CNTNAP2: variants seen among roughly 807,000 people sequenced by gnomAD.
The protein encoded by CNTNAP2 is contactin associated protein 2.
CNTNAP2 carries 98 observed loss-of-function variants against 155.2 expected under a neutral mutation model. That is an observed-to-expected ratio of 0.63 (90% confidence interval 0.54 to 0.75). The LOEUF (loss-of-function observed/expected upper bound fraction) is 0.75, where lower values mean the gene tolerates loss of function less well. CNTNAP2 is among the 30% of genes least tolerant of loss of function. The pLI, the probability that CNTNAP2 is intolerant of heterozygous loss-of-function variation, is 0.00. For missense variants in CNTNAP2, 1,727 were observed against 1,688.1 expected (o/e 1.02, Z -0.40); for synonymous variants, 651 against 631.2 (o/e 1.03, Z -0.47).
intron 10 of CNTNAP2, among the ~76,000 whole-genome samples, chr7:147,479,788 G>A (rs866881308): frequency 1.4e-4 from 21 of 151,734 alleles, no homozygotes; most frequent in African/African-American, 4.6e-4. Context: ...AAATATCTTA[G>A]CATTTAAACA....
chr7:148,281,814 G>A (rs1796977093), intron 21 of CNTNAP2, among the ~76,000 whole-genome samples: 1 of 150,044 alleles, frequency 6.7e-6, no homozygotes, highest in Non-Finnish European at 1.5e-5. Flanking sequence ...AGGTCACATA[G>A]CTGGTACTTC....
intron 1 of CNTNAP2, among the ~76,000 whole-genome samples, chr7:146,588,863 GTAAGATCACAATTATTTA>G (rs1475618197): frequency 6.6e-6 from 1 of 151,974 alleles, no homozygotes; most frequent in East Asian, 1.9e-4. Context: ...AGAAATTGAT[GTAAGATCACAATTATTTA>G]GTGATCTGAT....
At chr7:146,476,706 A>G (rs1796881951) in intron 1 of CNTNAP2, among the ~76,000 whole-genome samples, 1 of 152,200 alleles carries the variant, frequency 6.6e-6, no homozygotes, top group South Asian at 2.1e-4. Context: ...AAATAAGACT[A>G]TATATGGAGA....
intron 21 of CNTNAP2, among the ~76,000 whole-genome samples, chr7:148,358,778 G>A (rs1454021895): frequency 6.6e-6 from 1 of 152,216 alleles, no homozygotes; most frequent in African/African-American, 2.4e-5. Context: ...TCTGTAAAAT[G>A]AGAAAGAAGA....
rs1209602308 is a variant in CNTNAP2, at chr7:147,954,281, G to T, written c.2256-23581G>T. Reference sequence around the variant, plus strand: ...ATCCTAAATTATCTTTTAAGACTTTGTTCAAGTCAGATTTTTTAGAGTTAT... The same window carrying T: ...ATCCTAAATTATCTTTTAAGACTTTTTTCAAGTCAGATTTTTTAGAGTTAT... On this transcript the variant is annotated intron_variant, in intron 14 of 23. Transcript: ENST00000361727. 2.0e-5 allele frequency among the ~76,000 whole-genome samples: 3 copies of T among 152,090 alleles called. No homozygotes were observed. The East Asian group carries it at 5.8e-4, about 29-fold the overall frequency.
At chr7:147,018,488 A>T (rs569393168) in intron 3 of CNTNAP2, among the ~76,000 whole-genome samples, 30 of 152,142 alleles carry the variant, frequency 2.0e-4, no homozygotes, top group African/African-American at 7.2e-4. Flanking sequence ...ACTGGTTTGG[A>T]TGGGGAAAGG....
chr7:147,535,769 A>G (rs572302919), intron 11 of CNTNAP2, among the ~76,000 whole-genome samples: 1 of 152,338 alleles, frequency 6.6e-6, no homozygotes, highest in Admixed American at 6.5e-5. Context: ...GAAGGTCACA[A>G]TAAGAATGCA....
intron 13 of CNTNAP2, among the ~76,000 whole-genome samples, chr7:147,853,536 G>T (rs1798986051): frequency 6.6e-6 from 1 of 152,120 alleles, no homozygotes; most frequent in Non-Finnish European, 1.5e-5. Flanking sequence ...TACAGGAGAG[G>T]AATCTAAATT....
chr7:147,061,579 C>T (rs1445374034), intron 4 of CNTNAP2, among the ~76,000 whole-genome samples: 3 of 152,146 alleles, frequency 2.0e-5, no homozygotes, highest in Non-Finnish European at 4.4e-5. Context: ...TGTATACACT[C>T]ATGTGTTCCC....
chr7:148,174,423 C>CG (rs888758451), intron 18 of CNTNAP2, among the ~76,000 whole-genome samples: 2 of 151,984 alleles, frequency 1.3e-5, no homozygotes, highest in Admixed American at 6.6e-5. Context: ...TGTGACCGCC[C>CG]CCCACCTCAG....
intron 13 of CNTNAP2, among the ~76,000 whole-genome samples, chr7:147,771,144 G>A (rs1391248641): frequency 6.6e-6 from 1 of 152,086 alleles, no homozygotes; most frequent in African/African-American, 2.4e-5. Context: ...ATGAATCGGT[G>A]TACATTTGAA....
chr7:148,079,250 C>T (rs1023846684), intron 15 of CNTNAP2, among the ~76,000 whole-genome samples: 22 of 152,224 alleles, frequency 1.4e-4, no homozygotes, highest in African/African-American at 4.8e-4. Context: ...AGACATCACT[C>T]GATACATGTA....
chr7:146,985,595 C>T (rs1798101639), intron 3 of CNTNAP2, among the ~76,000 whole-genome samples: 1 of 152,148 alleles, frequency 6.6e-6, no homozygotes, highest in African/African-American at 2.4e-5. Context: ...GCTAGGATTA[C>T]AGGCGTAAGC....
intron 9 of CNTNAP2, among the ~76,000 whole-genome samples, chr7:147,376,442 G>A (rs976007963): frequency 1.3e-5 from 2 of 151,946 alleles, no homozygotes; most frequent in Non-Finnish European, 2.9e-5. Context: ...TTTTGAAAAT[G>A]TTATCTATTT....
chr7:146,740,328 A>AT (rs1024523984), intron 1 of CNTNAP2, among the ~76,000 whole-genome samples: 16 of 144,496 alleles, frequency 1.1e-4, no homozygotes, highest in African/African-American at 3.1e-4. Context: ...TGAATTTCTC[A>AT]TTTTTTTACT....
At chr7:147,287,865 A>C (rs530417230) in intron 8 of CNTNAP2, among the ~76,000 whole-genome samples, 62 of 152,084 alleles carry the variant, frequency 4.1e-4, no homozygotes, top group Non-Finnish European at 7.5e-4. Flanking sequence ...AACGTGAAAA[A>C]TCTGGCCACA....
intron 8 of CNTNAP2, among the ~76,000 whole-genome samples, chr7:147,136,796 C>A (rs1404787507): frequency 1.3e-5 from 2 of 151,858 alleles, no homozygotes; most frequent in Non-Finnish European, 2.9e-5. Context: ...GAAAAAAGGT[C>A]TCATTTGAAA....
chr7:148,307,549 G>A lies in CNTNAP2; in HGVS notation c.3475+40423G>A, dbSNP rs1247604380. On this transcript the variant is annotated intron_variant, in intron 21 of 23. Coordinates refer to ENST00000361727, the MANE Select transcript of CNTNAP2 (RefSeq NM_014141.6). ...CCTCATGATTTGTTCTTACACCTTC[G>A]TATATCTTAACACTTCATTCCCCTT... Among the ~76,000 whole-genome samples the A allele has an allele frequency of 3.9e-5, 6 of 152,248 alleles. No homozygotes were observed. In the East Asian group the frequency reaches 9.6e-4, roughly 24 times the overall value.
intron 3 of CNTNAP2, among the ~76,000 whole-genome samples, chr7:147,000,028 C>A (rs1428649074): frequency 2.6e-5 from 4 of 151,538 alleles, no homozygotes; most frequent in Non-Finnish European, 5.9e-5. Flanking sequence ...TAAGGTTATC[C>A]CAGAAATCCT....
Sources: allele counts gnomAD v4.1 joint callset (sites outside exome capture counted in the v4.1 genomes callset), GRCh38; gene constraint gnomAD v4.1.1; transcripts MANE v1.5; gene names NCBI Gene and HGNC (gene_info 2026-07-23, HGNC 2026-07-21).